The following ATP7B variants were observed in gnomAD, a reference collection of about 807,000 sequenced individuals.
The protein encoded by ATP7B is ATPase copper transporting beta.
ATP7B carries 113 observed loss-of-function variants against 118.9 expected under a neutral mutation model. The ratio of observed to expected loss-of-function variants is 0.95; its 90% confidence interval spans 0.82 to 1.11. ATP7B has a LOEUF of 1.11. Among genes scored for constraint, ATP7B ranks in the 50% most tolerant of loss-of-function variants. ATP7B has a pLI of 0.00. For missense variants in ATP7B, 1,867 were observed against 1,871.4 expected (o/e 1.00, Z 0.04); for synonymous variants, 777 against 727.4 (o/e 1.07, Z -1.10).
chr13:51,991,705 G>C (rs1348262991), intron 1 of ATP7B, among the ~76,000 whole-genome samples: 1 of 152,198 alleles, frequency 6.6e-6, no homozygotes, highest in Admixed American at 6.5e-5. Context: ...GAGAGCCTCA[G>C]TGGCAGGCAC....
chr13:51,960,093 C>T, intron 7 of ATP7B, 55 bp downstream of exon 7: 1 of 1,581,586 alleles, frequency 6.3e-7, no homozygotes, highest in Non-Finnish European at 8.7e-7. Context: ...GGCAGAATAT[C>T]TGAGGGCCAC....
intron 1 of ATP7B, among the ~76,000 whole-genome samples, chr13:52,009,451 C>G (rs1953923281): frequency 6.6e-6 from 1 of 152,204 alleles, no homozygotes; most frequent in Admixed American, 6.5e-5. Flanking sequence ...GTCTCCTCTT[C>G]TCTCCCTCCT....
chr13:51,949,455 G>A (rs1167701036), intron 12 of ATP7B, among the ~76,000 whole-genome samples: 1 of 152,168 alleles, frequency 6.6e-6, no homozygotes. Flanking sequence ...TAAGTAGAAT[G>A]TAAAGGAGAT....
chr13:51,975,325 G>T, intron 1 of ATP7B, 157 bp from the exon 2 acceptor site: 1 of 1,001,712 alleles, frequency 1.0e-6, no homozygotes, highest in Non-Finnish European at 1.6e-6. Context: ...CAAGCTAAAG[G>T]CAGCATCTAC....
At position 52,011,301 on chromosome 13, in the gene ATP7B, C is replaced by G; in HGVS notation, c.37G>C (p.Gly13Arg). 6.2e-7 allele frequency: 1 copy of G among 1,614,238 alleles called. No individual in the cohort carries two copies. The highest frequency in any genetic ancestry group is 8.5e-7 in the Non-Finnish European group (1 of 1,180,024). ...EQERQITARE[G>R]ASRKILSKLS... ...ACAAAACTCACTTTCCGACTGGCCC[C>G]TTCTCTGGCTGTGATCTGTCTCTCC... Residue 13 changes from glycine (G) to arginine (R), a missense_variant, in exon 1 of 21, where the codon GGG (glycine) becomes CGG (arginine). Coordinates refer to ENST00000242839, the MANE Select transcript of ATP7B (RefSeq NM_000053.4).
intron 5 of ATP7B, among the ~76,000 whole-genome samples, chr13:51,964,483 G>T (rs1284110516): frequency 6.6e-6 from 1 of 152,150 alleles, no homozygotes; most frequent in Non-Finnish European, 1.5e-5. Context: ...GCAAAATGTG[G>T]ATCATTTTTT....
At chr13:51,938,747 T>C (rs1957127553) in intron 17 of ATP7B, among the ~76,000 whole-genome samples, 1 of 152,214 alleles carries the variant, frequency 6.6e-6, no homozygotes, top group Admixed American at 6.5e-5. Context: ...AGAAAATGTC[T>C]ATCTCAGCCC....
At chr13:51,994,700 C>G (rs73184327) in intron 1 of ATP7B, among the ~76,000 whole-genome samples, 1 of 152,146 alleles carries the variant, frequency 6.6e-6, no homozygotes, top group Non-Finnish European at 1.5e-5. Flanking sequence ...CAATGAACAG[C>G]ACAAAAATAA....
intron 14 of ATP7B, among the ~76,000 whole-genome samples, chr13:51,942,778 G>C (rs1006194197): frequency 3.9e-5 from 6 of 152,148 alleles, no homozygotes; most frequent in African/African-American, 1.4e-4. Flanking sequence ...TATTATAGCT[G>C]TAAGTTGAAT....
intron 1 of ATP7B, among the ~76,000 whole-genome samples, chr13:52,002,956 C>T (rs1173271094): frequency 6.6e-6 from 1 of 152,214 alleles, no homozygotes; most frequent in Non-Finnish European, 1.5e-5. Flanking sequence ...GAAGGCCTTG[C>T]TTCAATGCTG....
chr13:51,951,772 G>A (rs140777682), intron 9 of ATP7B, among the ~76,000 whole-genome samples: 27 of 152,208 alleles, frequency 1.8e-4, no homozygotes, highest in African/African-American at 4.6e-4. Context: ...GCAAATATAC[G>A]TAAAATTCAT....
Position 51,974,906 on chromosome 13 carries a change from G to T in ATP7B, c.314C>A (p.Ser105Ter), listed in dbSNP as rs753236073. ...QGSATVKYVP[S>*]VVCLQQVCHQ... Reference sequence around the variant, plus strand: ...GCAAACCTGTTGCAGGCACACAACCGATGGCACATATTTCACAGTGGCACT... The same window carrying T: ...GCAAACCTGTTGCAGGCACACAACCTATGGCACATATTTCACAGTGGCACT... The change falls in exon 2 of 21, where the codon TCG becomes TAG. Residue 105 changes from serine to a stop codon, truncating the protein, a stop_gained. Transcript: ENST00000242839. LOFTEE classifies it high-confidence loss of function. The T allele has an allele frequency of 1.9e-6, 3 of 1,614,206 alleles. No individual in the cohort carries two copies. The highest frequency in any genetic ancestry group is 2.2e-5 in the East Asian group (1 of 44,888).
In ATP7B at chr13:51,939,173, C is replaced by T. The variant is rs769531525; in HGVS notation, c.3577G>A (p.Ala1193Thr). 19 of 1,613,582 alleles carry T rather than the reference C, an allele frequency of 1.2e-5. No homozygotes were observed. The African/African-American group carries it at 1.5e-4, about 12-fold the overall frequency. Residue 1193 changes from alanine to threonine, a missense_variant, in exon 17 of 21, where the codon GCA (alanine) becomes ACA (threonine). By Grantham distance (58) the Ala-to-Thr change is moderately conservative. Transcript: ENST00000242839. The stretch of plus-strand genomic sequence containing the variant: ...TCCTGCTTGACAGCGTCTGCGATTG[C>T]GATCATCCCACAGAGCACACCTGGA... ...AIDGVLCGMI[A>T]IADAVKQEAA...
chr13:51,957,029 T>G (rs1958391623), intron 9 of ATP7B, among the ~76,000 whole-genome samples: 1 of 152,138 alleles, frequency 6.6e-6, no homozygotes, highest in Non-Finnish European at 1.5e-5. Context: ...TACAAAGAGA[T>G]TAGAATAGTG....
intron 1 of ATP7B, among the ~76,000 whole-genome samples, chr13:51,996,770 T>A (rs965450643): frequency 3.9e-5 from 6 of 152,206 alleles, no homozygotes; most frequent in Non-Finnish European, 5.9e-5. Context: ...CAAAGCCCCT[T>A]CGTGCCTGCT....
chr13:51,957,970 T>A (rs1958465453), intron 8 of ATP7B: 1 of 461,848 alleles, frequency 2.2e-6, no homozygotes, highest in Non-Finnish European at 4.0e-6. Context: ...GTGTTAAAAA[T>A]GGCATGACCT....
intron 1 of ATP7B, among the ~76,000 whole-genome samples, chr13:52,009,013 G>A (rs1430679100): frequency 6.6e-6 from 1 of 151,874 alleles, no homozygotes; most frequent in Non-Finnish European, 1.5e-5. Context: ...TAGCTGGTTC[G>A]ACAGGCACAC....
intron 1 of ATP7B, among the ~76,000 whole-genome samples, chr13:51,996,920 C>T (rs1206980023): frequency 6.6e-6 from 1 of 152,224 alleles, no homozygotes; most frequent in Non-Finnish European, 1.5e-5. Context: ...GAACCTGCCT[C>T]AATTTCCAAG....
At chr13:51,990,051 T>C (rs943919034) in intron 1 of ATP7B, among the ~76,000 whole-genome samples, 2 of 151,952 alleles carry the variant, frequency 1.3e-5, no homozygotes, top group African/African-American at 4.8e-5. Flanking sequence ...AAAATAATCC[T>C]TAGAAAAAGA....
Sources: allele counts gnomAD v4.1 joint callset (sites outside exome capture counted in the v4.1 genomes callset), GRCh38; gene constraint gnomAD v4.1.1; transcripts MANE v1.5; gene names NCBI Gene and HGNC (gene_info 2026-07-23, HGNC 2026-07-21).